Variants in TTYH3 observed in about 807,000 individuals in gnomAD.
TTYH3 encodes the protein protein tweety homolog 3.
Under a neutral mutation model 68.2 loss-of-function variants are expected in TTYH3, and 23 were observed. The observed-to-expected ratio is 0.34, with a 90% CI of 0.24 to 0.48. TTYH3 has a LOEUF of 0.48. Ranked by LOEUF, TTYH3 falls within the 20% of genes least tolerant of loss-of-function variation. The probability of loss-of-function intolerance (pLI) is 0.99; values close to 1 mark genes in which losing one functional copy is unlikely to be tolerated. For missense variants in TTYH3, 768 were observed against 727.7 expected, an observed-to-expected ratio of 1.06 and a Z score of -0.64; for synonymous variants, 360 against 332.8, an observed-to-expected ratio of 1.08 and a Z score of -0.89.
intron 1 of TTYH3, among the ~76,000 whole-genome samples, chr7:2,646,386 G>C (rs902149091): frequency 1.3e-5 from 2 of 152,216 alleles, no homozygotes; most frequent in African/African-American, 4.8e-5. Context: ...TGGGGCTGTG[G>C]CTGCAAAGAT....
intron 1 of TTYH3, among the ~76,000 whole-genome samples, chr7:2,638,209 C>G (rs1364706240): frequency 1.3e-5 from 2 of 152,018 alleles, no homozygotes; most frequent in African/African-American, 2.4e-5. Flanking sequence ...GCCTGGGGCC[C>G]GGTCCCCAGG....
At chr7:2,651,272 C>G (rs1018834127) in intron 7 of TTYH3, among the ~76,000 whole-genome samples, 34 of 152,148 alleles carry the variant, frequency 2.2e-4, no homozygotes, top group Admixed American at 2.0e-3. Flanking sequence ...CACCCTTTGT[C>G]CCTGGAGGCC....
intron 7 of TTYH3, among the ~76,000 whole-genome samples, chr7:2,651,675 G>A (rs543147825): frequency 3.3e-5 from 5 of 152,364 alleles, no homozygotes; most frequent in African/African-American, 1.2e-4. Flanking sequence ...CTGCACAGGC[G>A]GCCACAGTGA....
chr7:2,632,018 C>G lies in TTYH3; in HGVS notation c.-138C>G, dbSNP rs1420507694. 4 of 692,230 alleles carry G rather than the reference C, an allele frequency of 5.8e-6. No homozygotes were observed. Among genetic ancestry groups the G allele is most frequent in the Non-Finnish European group, 7.3e-6 (4 of 547,238 alleles). The allele number at this position is 692,230 out of a possible 1,614,324, so 42.9% of individuals were successfully genotyped here. A position where few individuals can be genotyped will look rare whatever the true frequency, so the allele number is the denominator to read the frequency against. On this transcript the variant is annotated 5_prime_UTR_variant, in exon 1 of 14. Transcript: ENST00000258796. ...CGAGCGCAGCCGAGCCGGGCCGAGC[C>G]GGGCCGGGCCGGGCCCAGGAGCGCG...
At chr7:2,632,980 A>G (rs1358129873) in intron 1 of TTYH3, among the ~76,000 whole-genome samples, 2 of 152,140 alleles carry the variant, frequency 1.3e-5, no homozygotes, top group African/African-American at 4.8e-5. Context: ...CGTGGGCCTC[A>G]GGCAGGGAGG....
intron 8 of TTYH3, among the ~76,000 whole-genome samples, chr7:2,652,589 G>A (rs1786216231): frequency 6.6e-6 from 1 of 152,210 alleles, no homozygotes; most frequent in African/African-American, 2.4e-5. Flanking sequence ...AGTTTGAAGA[G>A]GTCGGCCGCA....
intron 4 of TTYH3, 58 bp from the exon 5 acceptor site, chr7:2,647,901 G>T (rs760108250): frequency 1.3e-6 from 2 of 1,583,800 alleles, no homozygotes; most frequent in Non-Finnish European, 1.7e-6. Flanking sequence ...GGCCCCTGGC[G>T]CCCCACTCCC....
chr7:2,640,962 C>T (rs970112929), intron 1 of TTYH3, among the ~76,000 whole-genome samples: 1 of 152,208 alleles, frequency 6.6e-6, no homozygotes. Flanking sequence ...CGGGTTTGGG[C>T]CTGGGTCTCT....
chr7:2,659,108 C>T (rs1786420620), intron 13 of TTYH3, 93 bp downstream of exon 13: 2 of 1,293,760 alleles, frequency 1.5e-6, no homozygotes, highest in Non-Finnish European at 2.2e-6. Flanking sequence ...GCATGTGCAG[C>T]CAGTGTGAGC....
At chr7:2,651,138 C>A (rs959113471) in intron 7 of TTYH3, among the ~76,000 whole-genome samples, 2 of 151,996 alleles carry the variant, frequency 1.3e-5, no homozygotes, top group East Asian at 3.9e-4. Context: ...ATCGGGGTGC[C>A]GTCAGTGTGT....
chr7:2,652,906 T>A lies in TTYH3; in HGVS notation c.928-12T>A. 6.4e-7 allele frequency: 1 copy of A among 1,554,790 alleles called. No homozygotes were observed. The highest frequency in any genetic ancestry group is 8.7e-7 in the Non-Finnish European group (1 of 1,148,150). On this transcript the variant is annotated splice_polypyrimidine_tract_variant and intron_variant, in intron 8 of 13. Transcript: ENST00000258796. ...AGCAGCGCCCATGGACTTGGTCTCC[T>A]CTCTGGAGCAGAAGCTGTCGGGCAG...
Position 2,661,855 on chromosome 7 carries a change from A to G in TTYH3, c.*116A>G. The G allele has an allele frequency of 3.4e-6, 4 of 1,167,914 alleles. No homozygotes were observed. The highest frequency in any genetic ancestry group is 4.9e-6 in the Non-Finnish European group (4 of 818,848). The allele number at this position is 1,167,914 out of a possible 1,614,324, so 72.3% of individuals were successfully genotyped here. On this transcript the variant is annotated 3_prime_UTR_variant, in exon 14 of 14. Coordinates refer to ENST00000258796, the MANE Select transcript of TTYH3 (RefSeq NM_025250.3). ...GCACGCCGTGCCAGGCCTGCCCCAG[A>G]CGCGTCTGCAGGCCGCTTGCCCTCC...
chr7:2,649,939 T>C lies in TTYH3; in HGVS notation c.822T>C (p.Pro274=), dbSNP rs766287021. ...GCTCCAGCGACTTCTGTGTGGACCC[T>C]GACGCCTACGTGACCAAAATGGTGG... The part of the protein sequence containing the change: ...SVGSSDFCVD[P]DAYVTKMVEE... The change falls in exon 7 of 14, where the codon CCT becomes CCC. Residue 274 remains proline (P), a synonymous_variant. Transcript: ENST00000258796. 3 of 1,614,018 alleles carry C rather than the reference T, an allele frequency of 1.9e-6. No individual in the cohort carries two copies. The South Asian group carries it at 3.3e-5, about 18-fold the overall frequency.
chr7:2,652,278 G>C, intron 8 of TTYH3, 36 bp downstream of exon 8: 6 of 1,592,574 alleles, frequency 3.8e-6, no homozygotes, highest in Non-Finnish European at 4.3e-6. Context: ...GGCTTCAGGA[G>C]AGTCTGAAGC....
intron 1 of TTYH3, among the ~76,000 whole-genome samples, chr7:2,646,483 G>A (rs923905240): frequency 7.9e-5 from 12 of 152,224 alleles, no homozygotes; most frequent in African/African-American, 2.9e-4. Context: ...TGGTGGGGCA[G>A]ACGTCCTGAG....
At chr7:2,635,692 C>T (rs1049524060) in intron 1 of TTYH3, among the ~76,000 whole-genome samples, 3 of 152,200 alleles carry the variant, frequency 2.0e-5, no homozygotes, top group Non-Finnish European at 4.4e-5. Context: ...CTCCATGGGC[C>T]GTGCTGGCCC....
intron 6 of TTYH3, 61 bp from the exon 7 acceptor site, chr7:2,649,852 C>A: frequency 6.3e-7 from 1 of 1,589,792 alleles, no homozygotes; most frequent in Non-Finnish European, 8.6e-7. Context: ...GTTCTACCCC[C>A]GAGAGCTTCC....
chr7:2,645,872 C>T lies in TTYH3; in HGVS notation c.124-981C>T. On this transcript the variant is annotated intron_variant, in intron 1 of 13. Coordinates refer to ENST00000258796, the MANE Select transcript of TTYH3 (RefSeq NM_025250.3). The surrounding 1 kb of genome is among the most constrained non-coding windows in gnomAD (Gnocchi z 4.8). Reference sequence around the variant, plus strand: ...CAGGACTACAGCTGGGGTGGGGGATCCTGCCAGGACTCAGGTAGGAGAGTT... The same window carrying T: ...CAGGACTACAGCTGGGGTGGGGGATTCTGCCAGGACTCAGGTAGGAGAGTT... 1 of 470,714 alleles carries T rather than the reference C, an allele frequency of 2.1e-6. No homozygotes were observed. Among genetic ancestry groups the T allele is most frequent in the South Asian group, 1.5e-5 (1 of 64,546 alleles). 29.2% of individuals were successfully genotyped at this position (470,714 alleles called of 1,614,324 possible).
chr7:2,652,724 C>T, intron 8 of TTYH3, 194 bp from the exon 9 acceptor site: 1 of 593,820 alleles, frequency 1.7e-6, no homozygotes, highest in Admixed American at 3.0e-5. Context: ...CTGTTACCAC[C>T]TCAGGGCTCT....
Sources: gnomAD v4.1 joint callset for allele counts (sites outside exome capture counted in the v4.1 genomes callset) on GRCh38, gnomAD v4.1.1 for gene constraint, Gnocchi (gnomAD v3.1) non-coding constraint, MANE v1.5 for transcripts, NCBI Gene and HGNC (gene_info 2026-07-23, HGNC 2026-07-21) for gene names.